Variants in PPP2R2B observed in about 807,000 individuals in gnomAD.
PPP2R2B encodes serine/threonine-protein phosphatase 2A 55 kDa regulatory subunit B beta isoform.
PPP2R2B carries 5 observed loss-of-function variants against 46.0 expected under a neutral mutation model. The ratio of observed to expected loss-of-function variants is 0.11; its 90% CI spans 0.06 to 0.23. The LOEUF is 0.23. PPP2R2B is among the 10% of genes least tolerant of loss of function. PPP2R2B has a pLI of 1.00. For synonymous variants in PPP2R2B, 215 were observed against 206.7 expected (o/e 1.04, Z -0.34); for missense variants, 367 against 575.0 (o/e 0.64, Z 3.70).
intron 1 of PPP2R2B, among the ~76,000 whole-genome samples, chr5:147,001,300 G>C (rs553078993): frequency 2.4e-4 from 36 of 152,134 alleles, no homozygotes; most frequent in Non-Finnish European, 4.3e-4. Context: ...CTTTGGGTCC[G>C]CACTACCTTT....
intron 2 of PPP2R2B, among the ~76,000 whole-genome samples, chr5:147,078,020 A>G (rs1016246961): frequency 6.6e-6 from 1 of 152,226 alleles, no homozygotes; most frequent in African/African-American, 2.4e-5. Flanking sequence ...TTGGAGTCCC[A>G]AAGACTGGGT....
At chr5:146,706,790 G>T (rs184053543) in intron 2 of PPP2R2B, 12 of 837,598 alleles carry the variant, frequency 1.4e-5, no homozygotes, top group Admixed American at 3.4e-5. Flanking sequence ...CTCGGCCTCA[G>T]CCCGACTGCG....
At chr5:146,643,598 T>C (rs1386413867) in intron 6 of PPP2R2B, among the ~76,000 whole-genome samples, 1 of 151,808 alleles carries the variant, frequency 6.6e-6, no homozygotes, top group Non-Finnish European at 1.5e-5. Context: ...GGGGAAAGGG[T>C]GGGAAGGAGG....
At chr5:146,659,552 T>C (rs1212619293) in intron 5 of PPP2R2B, among the ~76,000 whole-genome samples, 1 of 152,172 alleles carries the variant, frequency 6.6e-6, no homozygotes, top group Admixed American at 6.5e-5. Context: ...TTAGGAGAAC[T>C]TAGCATGACG....
intron 1 of PPP2R2B, among the ~76,000 whole-genome samples, chr5:147,021,034 T>C (rs1445680001): frequency 3.3e-5 from 5 of 152,064 alleles, no homozygotes; most frequent in Non-Finnish European, 7.4e-5. Flanking sequence ...AGAAGTGGAG[T>C]TGAAACAATA....
chr5:146,878,229 A>G lies in PPP2R2B; in HGVS notation c.-124-34T>C. 1 of 1,533,544 alleles carries G rather than the reference A, an allele frequency of 6.5e-7. No homozygotes were observed. Among genetic ancestry groups the G allele is most frequent in the South Asian group, 1.2e-5 (1 of 82,430 alleles). 95.0% of individuals were successfully genotyped at this position (1,533,544 alleles called of 1,614,324 possible). A position where few individuals can be genotyped will look rare whatever the true frequency, so the allele number is the denominator to read the frequency against. ...GAGACGGGGAGGCGGAGAGAAAAAA[A>G]ATAAAAACCCGGCAATGGAGCTGTC... On this transcript the variant is annotated intron_variant, in intron 1 of 9. Transcript: ENST00000394411. This position sits in a 1 kb window ranked among gnomAD's most constrained non-coding sequence, Gnocchi z 4.5.
chr5:146,701,527 A>G (rs1779536699), intron 2 of PPP2R2B, among the ~76,000 whole-genome samples: 1 of 152,316 alleles, frequency 6.6e-6, no homozygotes, highest in Non-Finnish European at 1.5e-5. Flanking sequence ...CACAGGCTTC[A>G]GTTCTGGCTA....
At chr5:146,821,571 C>A (rs1180097024) in intron 2 of PPP2R2B, among the ~76,000 whole-genome samples, 1 of 152,176 alleles carries the variant, frequency 6.6e-6, no homozygotes, top group Non-Finnish European at 1.5e-5. Flanking sequence ...GCTTTGGGGG[C>A]AAACAGAGTT....
chr5:146,856,478 T>C (rs370718914), intron 2 of PPP2R2B: 3 of 1,519,890 alleles, frequency 2.0e-6, no homozygotes, highest in South Asian at 1.1e-5. Context: ...GAAGAGTAGG[T>C]ATAAATAATA....
intron 2 of PPP2R2B, among the ~76,000 whole-genome samples, chr5:146,719,803 T>TTTTTTTTTTTTTTTTTTTTTTTTTG (rs1418579202): frequency 1.3e-5 from 2 of 152,018 alleles, no homozygotes; most frequent in African/African-American, 4.8e-5. Context: ...AATGAGTTTC[T>TTTTTTTTTTTTTTTTTTTTTTTTTG]ATCATCTAAA....
rs372611320 is a variant in PPP2R2B, at chr5:146,884,089, GTTT to G, written c.79+171573_79+171575del. Reference sequence around the variant, plus strand: ...AAAAAAAACACTATGTAAATTCAGGGTTTTTTTTTTTTTTTTTTTTTTTGAGAG... The same window carrying G: ...AAAAAAAACACTATGTAAATTCAGGGTTTTTTTTTTTTTTTTTTTTGAGAG... On this transcript the variant is annotated intron_variant, in intron 1 of 8. Coordinates refer to the PPP2R2B transcript ENST00000336640. 7.5e-3 allele frequency among the ~76,000 whole-genome samples: 781 copies of G among 104,650 alleles called. 5 individuals carry two copies. Among genetic ancestry groups the G allele is most frequent in the African/African-American group, 0.028 (722 of 25,910 alleles). The allele number at this position is 104,650 out of a possible 152,430, so 68.7% of individuals were successfully genotyped here.
intron 1 of PPP2R2B, among the ~76,000 whole-genome samples, chr5:147,027,209 A>G (rs1755565233): frequency 6.6e-6 from 1 of 152,216 alleles, no homozygotes; most frequent in Admixed American, 6.5e-5. Flanking sequence ...CATTTATATC[A>G]AGTTCTACAA....
chr5:146,932,942 G>A (rs1764014677), intron 1 of PPP2R2B, among the ~76,000 whole-genome samples: 1 of 152,132 alleles, frequency 6.6e-6, no homozygotes, highest in Non-Finnish European at 1.5e-5. Context: ...CAGCTGTGGA[G>A]GTATCAAAGA....
At chr5:147,004,266 GAA>G (rs1289097050) in intron 1 of PPP2R2B, among the ~76,000 whole-genome samples, 3 of 138,954 alleles carry the variant, frequency 2.2e-5, no homozygotes, top group African/African-American at 8.8e-5. Context: ...GCAATCACTA[GAA>G]GACACACTGC....
intron 2 of PPP2R2B, among the ~76,000 whole-genome samples, chr5:146,786,047 A>G (rs894180008): frequency 6.6e-6 from 1 of 152,202 alleles, no homozygotes; most frequent in African/African-American, 2.4e-5. Flanking sequence ...TCTTCTCAAC[A>G]TGAAGGAATA....
At chr5:147,026,144 G>C (rs1755517177) in intron 1 of PPP2R2B, among the ~76,000 whole-genome samples, 1 of 151,952 alleles carries the variant, frequency 6.6e-6, no homozygotes. Context: ...GAGGGAAAAA[G>C]GATAGATCTC....
chr5:146,793,499 A>C (rs906802133), intron 2 of PPP2R2B, among the ~76,000 whole-genome samples: 3 of 152,200 alleles, frequency 2.0e-5, no homozygotes, highest in African/African-American at 7.2e-5. Flanking sequence ...TCACTTATTT[A>C]ATCCCTATAA....
intron 7 of PPP2R2B, among the ~76,000 whole-genome samples, chr5:146,605,992 G>T (rs1296102104): frequency 2.0e-5 from 3 of 152,200 alleles, no homozygotes; most frequent in Non-Finnish European, 4.4e-5. Context: ...GGGCTCAGAT[G>T]ACTGGGTAAA....
chr5:146,761,925 G>T (rs751303128), intron 2 of PPP2R2B, among the ~76,000 whole-genome samples: 110 of 152,262 alleles, frequency 7.2e-4, no homozygotes, highest in Admixed American at 2.9e-3. Context: ...ACCGCATTGA[G>T]CTCTCTGCAG....
Sources: gnomAD v4.1 joint callset for allele counts (sites outside exome capture counted in the v4.1 genomes callset) on GRCh38, gnomAD v4.1.1 for gene constraint, Gnocchi (gnomAD v3.1) non-coding constraint, MANE v1.5 for transcripts, NCBI Gene and HGNC (gene_info 2026-07-23, HGNC 2026-07-21) for gene names.